Variants in ASF1B observed in about 807,000 individuals in gnomAD.
ASF1B encodes anti-silencing function 1B histone chaperone.
A neutral mutation model predicts 16.6 loss-of-function variants in ASF1B; 10 were observed. That is an observed-to-expected ratio of 0.60 (90% CI 0.37 to 1.02). ASF1B has a LOEUF of 1.02. Ranked by LOEUF, ASF1B falls within the 50% of genes least tolerant of loss-of-function variation. ASF1B has a pLI of 0.01. For synonymous variants in ASF1B, 101 were observed against 106.2 expected (o/e 0.95, Z 0.30); for missense variants, 240 against 266.0 (o/e 0.90, Z 0.68).
At chr19:14,121,950 T>A (rs1316424687) in intron 2 of ASF1B, among the ~76,000 whole-genome samples, 1 of 151,712 alleles carries the variant, frequency 6.6e-6, no homozygotes, top group Non-Finnish European at 1.5e-5. Flanking sequence ...TATTTTTTTT[T>A]AATGGAGTTT....
intron 1 of ASF1B, among the ~76,000 whole-genome samples, chr19:14,136,032 T>C (rs1408728398): frequency 6.7e-6 from 1 of 148,294 alleles, no homozygotes. Flanking sequence ...TTGGAGGGGG[T>C]TAATCTCTAT....
chr19:14,132,025 T>G (rs1265669481), intron 1 of ASF1B, among the ~76,000 whole-genome samples: 2 of 88,346 alleles, frequency 2.3e-5, no homozygotes, highest in African/African-American at 6.4e-5. Context: ...GTTAGGGTGG[T>G]TTTTTTTTTT....
rs1404546310 is a variant in ASF1B at position 14,128,483 on chromosome 19, T to G, written c.110-2246A>C. ...ACTATTTGCAGGGAGGAAGTTGACT[T>G]TTTTCACTGGAGATGGGGTCTCGGT... On this transcript the variant is annotated intron_variant, in intron 1 of 3. Transcript: ENST00000263382. Among the ~76,000 whole-genome samples the G allele has an allele frequency of 3.9e-5, 6 of 152,204 alleles. No individual in the cohort carries two copies. In the South Asian group the frequency reaches 8.3e-4, roughly 21 times the overall value.
chr19:14,121,978 T>C (rs1967245922), intron 2 of ASF1B, among the ~76,000 whole-genome samples: 1 of 151,692 alleles, frequency 6.6e-6, no homozygotes, highest in African/African-American at 2.4e-5. Context: ...TTGCCCAGGC[T>C]GAAGTGCAAT....
intron 2 of ASF1B, 139 bp downstream of exon 2, chr19:14,125,983 G>C (rs944828900): frequency 3.3e-6 from 2 of 614,822 alleles, no homozygotes; most frequent in Admixed American, 6.8e-5. Context: ...TCAGTCCCTG[G>C]AGTAGCTGGG....
In ASF1B at chr19:14,125,095, T is replaced by C. The variant is rs538658311; in HGVS notation, c.225+1027A>G. Among the ~76,000 whole-genome samples, 571 of 152,228 alleles carry C rather than the reference T, an allele frequency of 3.8e-3. 5 individuals are homozygous for C. The highest frequency in any genetic ancestry group is 0.013 in the African/African-American group (550 of 41,520). ...GATTCTCCCGCCGCAGCCTCCCGAGTAGCTGGGATTACAGGCATGCGCCAC... is the reference window on the plus strand; with the variant it reads ...GATTCTCCCGCCGCAGCCTCCCGAGCAGCTGGGATTACAGGCATGCGCCAC... On this transcript the variant is annotated intron_variant, in intron 2 of 3. Transcript: ENST00000263382.
Position 14,136,470 on chromosome 19 carries a change from C to T in ASF1B, c.-14G>A. On this transcript the variant is annotated 5_prime_UTR_variant, in exon 1 of 4. Coordinates refer to ENST00000263382, the MANE Select transcript of ASF1B (RefSeq NM_018154.3). ...CACCTTGGCCATCGCCTCGCCTCGC[C>T]GCGCCGCAGCAGGGGCAGGGGCTGT... The T allele has an allele frequency of 1.2e-6, 2 of 1,610,438 alleles. No homozygotes were observed. The highest frequency in any genetic ancestry group is 2.2e-5 in the East Asian group (1 of 44,760).
At chr19:14,131,385 G>T (rs868253641) in intron 1 of ASF1B, among the ~76,000 whole-genome samples, 24 of 150,574 alleles carry the variant, frequency 1.6e-4, no homozygotes, top group Non-Finnish European at 3.1e-4. Flanking sequence ...GTTTCACCAC[G>T]TCGGTTAGGC....
At position 14,120,603 on chromosome 19, in the gene ASF1B, G is replaced by A. The variant is rs761703228; in HGVS notation, c.465C>T (p.Asn155=). The A allele has an allele frequency of 1.9e-5, 30 of 1,614,148 alleles. No homozygotes were observed. In the Middle Eastern group the frequency reaches 4.0e-3, roughly 213 times the overall value. The change falls in exon 4 of 4, where the codon AAC becomes AAT. Residue 155 remains asparagine (N), a synonymous_variant. Transcript: ENST00000263382. ...CTATGGCCTCCAGCCTGTCCATGTT[G>A]TTGTCCCAGTTGATATGGAAGCGGG... ...RVTRFHINWD[N]NMDRLEAIET...
intron 2 of ASF1B, among the ~76,000 whole-genome samples, chr19:14,122,085 C>T (rs1392203928): frequency 2.0e-5 from 3 of 151,974 alleles, no homozygotes; most frequent in Non-Finnish European, 4.4e-5. Flanking sequence ...TGCCCACCAC[C>T]ATGCCCGGCT....
intron 1 of ASF1B, among the ~76,000 whole-genome samples, chr19:14,134,093 C>T (rs1012678963): frequency 1.3e-5 from 2 of 152,030 alleles, no homozygotes; most frequent in African/African-American, 4.8e-5. Context: ...CGTGAGCCAC[C>T]GCGCTCGGCC....
chr19:14,136,449 T>C lies in ASF1B; in HGVS notation c.8A>G (p.Lys3Arg), dbSNP rs370575680. 1.7e-5 allele frequency: 28 copies of C among 1,612,608 alleles called. 1 individual carries two copies. The African/African-American group carries it at 2.7e-4, about 15-fold the overall frequency. Residue 3 changes from lysine (K) to arginine (R), a missense_variant, in exon 1 of 4, where the codon AAG becomes AGG. Physicochemically the swap from Lys to Arg is conservative, Grantham distance 26. Transcript: ENST00000263382. MA[K>R]VSVLNVAVLE... Reference sequence around the variant, plus strand: ...GACCGCCACGTTCAGCACCGACACCTTGGCCATCGCCTCGCCTCGCCGCGC... The same window carrying C: ...GACCGCCACGTTCAGCACCGACACCCTGGCCATCGCCTCGCCTCGCCGCGC...
At chr19:14,127,829 G>A (rs1208429242) in intron 1 of ASF1B, among the ~76,000 whole-genome samples, 1 of 152,054 alleles carries the variant, frequency 6.6e-6, no homozygotes, top group East Asian at 1.9e-4. Context: ...GTAGAGATGG[G>A]GTTTCACCAT....
intron 2 of ASF1B, 61 bp from the exon 3 acceptor site, chr19:14,121,769 C>T: frequency 7.0e-7 from 1 of 1,435,398 alleles, no homozygotes; most frequent in Non-Finnish European, 9.5e-7. Context: ...GTCATTAGTA[C>T]AAAGATTCCC....
At chr19:14,129,827 G>T (rs1967374375) in intron 1 of ASF1B, among the ~76,000 whole-genome samples, 1 of 151,018 alleles carries the variant, frequency 6.6e-6, no homozygotes, top group Non-Finnish European at 1.5e-5. Context: ...CGGGTGGATT[G>T]CTTGAGCTCA....
At chr19:14,127,800 CTAA>C (rs1243541730) in intron 1 of ASF1B, among the ~76,000 whole-genome samples, 2 of 152,204 alleles carry the variant, frequency 1.3e-5, no homozygotes, top group Admixed American at 6.5e-5. Context: ...CCACAGCCGG[CTAA>C]TGTTTTGTAT....
intron 2 of ASF1B, among the ~76,000 whole-genome samples, chr19:14,124,708 C>A (rs1210424303): frequency 6.6e-6 from 1 of 152,198 alleles, no homozygotes; most frequent in Non-Finnish European, 1.5e-5. Flanking sequence ...CAAGGCAACA[C>A]TCTGTCTTCT....
intron 1 of ASF1B, among the ~76,000 whole-genome samples, chr19:14,134,838 A>G (rs1288894903): frequency 1.3e-5 from 2 of 152,060 alleles, no homozygotes; most frequent in Non-Finnish European, 2.9e-5. Context: ...GGAGCCCGTC[A>G]CAGCTCAGCC....
chr19:14,129,474 C>T (rs59092761), intron 1 of ASF1B, among the ~76,000 whole-genome samples: 5 of 151,532 alleles, frequency 3.3e-5, no homozygotes, highest in African/African-American at 4.8e-5. Context: ...CTCACGAGTT[C>T]GAGACCAACC....
Sources: gnomAD v4.1 joint callset for allele counts (sites outside exome capture counted in the v4.1 genomes callset) on GRCh38, gnomAD v4.1.1 for gene constraint, MANE v1.5 for transcripts, NCBI Gene and HGNC (gene_info 2026-07-23, HGNC 2026-07-21) for gene names.